Variants in UBE2V1 observed in about 807,000 individuals in gnomAD.
The protein encoded by UBE2V1 is ubiquitin-conjugating enzyme E2 variant 1.
Under a neutral mutation model 19.6 loss-of-function variants are expected in UBE2V1, and 15 were observed. The ratio of observed to expected loss-of-function variants is 0.77; its 90% CI spans 0.51 to 1.18. The LOEUF is 1.18. Ranked by LOEUF, UBE2V1 falls within the 50% of genes most tolerant of loss-of-function variation. UBE2V1 has a pLI of 0.00. For missense variants in UBE2V1, 125 were observed against 184.8 expected (o/e 0.68, Z 1.88); for synonymous variants, 60 against 60.7 (o/e 0.99, Z 0.05).
At position 50,094,235 on chromosome 20, in the gene UBE2V1, TATA is replaced by T. The variant is rs1201171710; in HGVS notation, c.171+2434_171+2436del. On this transcript the variant is annotated intron_variant, in intron 2 of 3. Transcript: ENST00000371674. Reference sequence around the variant, plus strand: ...TATATAACATATGCATTATATAATATATAATGCATTATATAATATATAATGCAT... The same window carrying T: ...TATATAACATATGCATTATATAATATATGCATTATATAATATATAATGCAT... Among the ~76,000 whole-genome samples, 876 of 138,074 alleles carry T rather than the reference TATA, an allele frequency of 6.3e-3. 21 individuals are homozygous for T. Among genetic ancestry groups the T allele is most frequent in the African/African-American group, 0.017 (619 of 36,956 alleles). The allele number at this position is 138,074 out of a possible 152,430, so 90.6% of individuals were successfully genotyped here. A position where few individuals can be genotyped will look rare whatever the true frequency, so the allele number is the denominator to read the frequency against.
In UBE2V1 at chr20:50,109,834, T is replaced by A. The variant is rs2080636288; in HGVS notation, c.22+3273A>T. The stretch of plus-strand genomic sequence containing the variant: ...TGGAGCAGGCTGCTATTTCTTTGGC[T>A]GAGCACAATATGAAGCTGTTCTTTG... On this transcript the variant is annotated intron_variant, in intron 1 of 3. Coordinates refer to ENST00000371674, the MANE Select transcript of UBE2V1 (RefSeq NM_001032288.3). 4.0e-5 allele frequency among the ~76,000 whole-genome samples: 6 copies of A among 151,888 alleles called. No homozygotes were observed. The South Asian group carries it at 1.2e-3, about 32-fold the overall frequency.
intron 1 of UBE2V1, 73 bp downstream of exon 1, chr20:50,113,034 G>T (rs2080872059): frequency 1.6e-6 from 1 of 636,028 alleles, no homozygotes; most frequent in Non-Finnish European, 2.3e-6. Context: ...CGCTGCAGGA[G>T]GCTTTGAGGG....
At chr20:50,100,845 A>G (rs1569002386) in intron 1 of UBE2V1, among the ~76,000 whole-genome samples, 1 of 152,242 alleles carries the variant, frequency 6.6e-6, no homozygotes, top group African/African-American at 2.4e-5. Flanking sequence ...TTTTCACCTA[A>G]CAATCAGATC....
chr20:50,095,627 T>C (rs1243470845), intron 2 of UBE2V1, among the ~76,000 whole-genome samples: 4 of 152,236 alleles, frequency 2.6e-5, no homozygotes, highest in Admixed American at 2.6e-4. Flanking sequence ...CTTTCTGCTC[T>C]CACAGTGCTA....
intron 2 of UBE2V1, among the ~76,000 whole-genome samples, chr20:50,093,754 G>T (rs2079380589): frequency 6.6e-6 from 1 of 151,752 alleles, no homozygotes; most frequent in Non-Finnish European, 1.5e-5. Flanking sequence ...CACTTTGGGA[G>T]GCCGAGGTGG....
At chr20:50,087,112 A>G (rs566419769) in intron 2 of UBE2V1, among the ~76,000 whole-genome samples, 14 of 151,688 alleles carry the variant, frequency 9.2e-5, no homozygotes, top group Non-Finnish European at 1.0e-4. Context: ...ACCCCAAGCT[A>G]AGGCTGGGTG....
At chr20:50,085,544 G>A (rs2078864650) in intron 2 of UBE2V1, among the ~76,000 whole-genome samples, 1 of 152,016 alleles carries the variant, frequency 6.6e-6, no homozygotes, top group South Asian at 2.1e-4. Context: ...AGGCATCAGT[G>A]CCTTCTCCGG....
chr20:50,103,435 C>T (rs560693866), intron 1 of UBE2V1, among the ~76,000 whole-genome samples: 2 of 152,124 alleles, frequency 1.3e-5, no homozygotes, highest in East Asian at 3.9e-4. Flanking sequence ...AGGCAGAGTC[C>T]CACTCTGTTA....
At chr20:50,106,094 G>A (rs2080338210) in intron 1 of UBE2V1, among the ~76,000 whole-genome samples, 1 of 151,550 alleles carries the variant, frequency 6.6e-6, no homozygotes, top group African/African-American at 2.4e-5. Context: ...ATTAAAAAGT[G>A]AATTATGAAA....
intron 2 of UBE2V1, among the ~76,000 whole-genome samples, chr20:50,094,760 G>A (rs2079525708): frequency 6.6e-6 from 1 of 152,120 alleles, no homozygotes. Flanking sequence ...GGTGCCTACC[G>A]ATGGGTATGG....
At chr20:50,114,626 G>C (rs1423313584), upstream of UBE2V1, among the ~76,000 whole-genome samples, 1 of 152,152 alleles carries the variant, frequency 6.6e-6, no homozygotes, top group East Asian at 1.9e-4. Context: ...GGGCTCTCCA[G>C]GGCAAAGCAG....
At chr20:50,112,422 C>T (rs552342046) in intron 1 of UBE2V1, among the ~76,000 whole-genome samples, 3 of 152,204 alleles carry the variant, frequency 2.0e-5, no homozygotes, top group African/African-American at 7.2e-5. Flanking sequence ...ACTATCACCG[C>T]TATTAGGTCC....
chr20:50,114,532 C>T (rs148571719), upstream of UBE2V1, among the ~76,000 whole-genome samples: 7 of 152,208 alleles, frequency 4.6e-5, no homozygotes, highest in African/African-American at 9.6e-5. Flanking sequence ...ACAAGTTGAG[C>T]GACCATAGAA....
chr20:50,094,030 A>C (rs1305419599), intron 2 of UBE2V1, among the ~76,000 whole-genome samples: 1 of 117,506 alleles, frequency 8.5e-6, no homozygotes, highest in East Asian at 2.2e-4. Context: ...AATAATAATA[A>C]TAAAATATAT....
At chr20:50,107,875 A>C (rs1015570145) in intron 1 of UBE2V1, among the ~76,000 whole-genome samples, 2 of 152,262 alleles carry the variant, frequency 1.3e-5, no homozygotes, top group Non-Finnish European at 2.9e-5. Flanking sequence ...TTAGAGAAAC[A>C]GAACAAAACA....
chr20:50,096,644 A>T, intron 2 of UBE2V1, 28 bp downstream of exon 2: 1 of 1,611,216 alleles, frequency 6.2e-7, no homozygotes, highest in Non-Finnish European at 8.5e-7. Flanking sequence ...TAAGACATTG[A>T]CATTTATAGC....
At chr20:50,104,874 G>A (rs2080257821) in intron 1 of UBE2V1, among the ~76,000 whole-genome samples, 1 of 151,748 alleles carries the variant, frequency 6.6e-6, no homozygotes, top group African/African-American at 2.4e-5. Context: ...TTACAGGCAC[G>A]CGCCACGACA....
At chr20:50,112,027 C>T (rs532415282) in intron 1 of UBE2V1, among the ~76,000 whole-genome samples, 195 of 152,352 alleles carry the variant, frequency 1.3e-3, no homozygotes, top group African/African-American at 4.4e-3. Flanking sequence ...CACCTCCCTA[C>T]TCCCATCAGC....
In UBE2V1 at chr20:50,096,694, C is replaced by G; in HGVS notation, c.149G>C (p.Gly50Ala). The G allele has an allele frequency of 6.2e-7, 1 of 1,614,108 alleles. No individual in the cohort carries two copies. Among genetic ancestry groups the G allele is most frequent in the Non-Finnish European group, 8.5e-7 (1 of 1,180,012 alleles). Residue 50 changes from glycine (G) to alanine (A), a missense_variant, in exon 2 of 4, where the codon GGG becomes GCG. By Grantham distance (60) the Gly-to-Ala change is moderately conservative. Transcript: ENST00000371674. The stretch of plus-strand genomic sequence containing the variant: ...TACTCTTGGAGGCCCAATTATCATC[C>G]CTGTCCATCTTGTAAGTGTCATGTC... ...DEDMTLTRWT[G>A]MIIGPPRTIY...
Sources: allele counts gnomAD v4.1 joint callset (sites outside exome capture counted in the v4.1 genomes callset), GRCh38; gene constraint gnomAD v4.1.1; transcripts MANE v1.5; gene names NCBI Gene and HGNC (gene_info 2026-07-23, HGNC 2026-07-21).